Variants in PHF24 observed in about 807,000 individuals in gnomAD.
PHF24 encodes the protein PHD finger protein 24.
In PHF24, 25 loss-of-function variants were observed where a neutral mutation model predicts 42.6. The observed-to-expected ratio is 0.59, with a 90% CI of 0.43 to 0.82. PHF24 has a LOEUF of 0.82. Among genes scored for constraint, PHF24 ranks in the 40% least tolerant of loss-of-function variants. The pLI is 0.00. For missense variants in PHF24, 470 were observed against 538.1 expected (o/e 0.87, Z 1.25); for synonymous variants, 185 against 204.8 (o/e 0.90, Z 0.83).
the PHF24 span, among the ~76,000 whole-genome samples, chr9:34,778,702 G>C: frequency 6.6e-6 from 1 of 151,754 alleles, no homozygotes; most frequent in Non-Finnish European, 1.5e-5. Flanking sequence ...ATAATGGATA[G>C]AAAAGCTAGA....
the PHF24 span, chr9:34,892,680 T>C: frequency 4.3e-6 from 2 of 461,192 alleles, no homozygotes; most frequent in Non-Finnish European, 7.7e-6. Context: ...AGGACAAATT[T>C]GGAGTTGTTT....
At chr9:34,915,932 C>A in the PHF24 span, among the ~76,000 whole-genome samples, 2 of 151,832 alleles carry the variant, frequency 1.3e-5, no homozygotes, top group Admixed American at 1.3e-4. Flanking sequence ...CACCCCACCA[C>A]CAACCCTGGT....
chr9:34,849,253 A>T, the PHF24 span, among the ~76,000 whole-genome samples: 1 of 151,704 alleles, frequency 6.6e-6, no homozygotes, highest in Non-Finnish European at 1.5e-5. Context: ...TTTGTAGGTC[A>T]CTCAGGACTT....
the PHF24 span, among the ~76,000 whole-genome samples, chr9:34,711,542 C>CTTTTTTTTTTTTTTTTTTTTT: frequency 7.6e-6 from 1 of 130,762 alleles, no homozygotes. Context: ...AATGTTGTTA[C>CTTTTTTTTTTTTTTTTTTTTT]TTTTTTTTTT....
chr9:34,739,146 CTATT>C, the PHF24 span, among the ~76,000 whole-genome samples: 1 of 152,056 alleles, frequency 6.6e-6, no homozygotes, highest in Non-Finnish European at 1.5e-5. Context: ...AGTAAGAAAC[CTATT>C]TATTCATTAT....
At chr9:34,889,281 A>T in the PHF24 span, 1 of 398,590 alleles carries the variant, frequency 2.5e-6, no homozygotes, top group Admixed American at 4.4e-5. Context: ...AAGTCATTTG[A>T]GGACAGAGTT....
At chr9:34,770,820 A>T in the PHF24 span, among the ~76,000 whole-genome samples, 1 of 150,224 alleles carries the variant, frequency 6.7e-6, no homozygotes, top group African/African-American at 2.5e-5. Flanking sequence ...AAAGATTTTT[A>T]AAATTTATTG....
the PHF24 span, chr9:34,835,022 T>G: frequency 6.8e-7 from 1 of 1,468,484 alleles, no homozygotes; most frequent in Non-Finnish European, 9.2e-7. Context: ...GCTGTATTTC[T>G]GCTGGAGATC....
the PHF24 span, among the ~76,000 whole-genome samples, chr9:34,919,929 A>G: frequency 6.6e-6 from 1 of 152,142 alleles, no homozygotes; most frequent in Admixed American, 6.5e-5. Flanking sequence ...ATATGTGCCA[A>G]CATTTTCTTT....
At chr9:34,935,501 G>A in the PHF24 span, among the ~76,000 whole-genome samples, 1 of 151,578 alleles carries the variant, frequency 6.6e-6, no homozygotes, top group African/African-American at 2.4e-5. Context: ...GGCTGAGGCA[G>A]GAGAATTGCT....
chr9:34,691,468 T>G, the PHF24 span, among the ~76,000 whole-genome samples: 1 of 152,086 alleles, frequency 6.6e-6, no homozygotes, highest in East Asian at 1.9e-4. Flanking sequence ...AGAACTTAAG[T>G]CTGCAGTCTG....
the PHF24 span, among the ~76,000 whole-genome samples, chr9:34,892,019 G>A: frequency 6.6e-6 from 1 of 152,168 alleles, no homozygotes; most frequent in South Asian, 2.1e-4. Context: ...TGCAGAGAAA[G>A]GGCCAAAGCC....
the PHF24 span, chr9:34,837,827 A>T: frequency 4.5e-6 from 3 of 660,152 alleles, no homozygotes; most frequent in East Asian, 3.0e-5. Context: ...GCTTTCCTGG[A>T]TTTTCTTTGC....
chr9:34,828,927 C>CTATATCTATATCTA, the PHF24 span, among the ~76,000 whole-genome samples: 18 of 151,826 alleles, frequency 1.2e-4, no homozygotes, highest in African/African-American at 3.2e-4. Flanking sequence ...ATATCTATAT[C>CTATATCTATATCTA]TATATCTATA....
the PHF24 span, among the ~76,000 whole-genome samples, chr9:34,906,468 C>CT: frequency 6.6e-6 from 1 of 152,000 alleles, no homozygotes; most frequent in Non-Finnish European, 1.5e-5. Flanking sequence ...AGAAAGGAAT[C>CT]TTAAGTTTCA....
chr9:34,691,049 G>A, the PHF24 span: 1 of 1,539,884 alleles, frequency 6.5e-7, no homozygotes, highest in Non-Finnish European at 8.8e-7. Flanking sequence ...CCCACTGCCA[G>A]CCCCCCACTG....
the PHF24 span, chr9:34,837,211 T>G: frequency 4.5e-6 from 2 of 448,004 alleles, no homozygotes; most frequent in Non-Finnish European, 9.2e-6. Flanking sequence ...GGCCTTTGAC[T>G]CTCAGCAAGA....
the PHF24 span, among the ~76,000 whole-genome samples, chr9:34,795,822 T>C: frequency 2.4e-4 from 36 of 151,884 alleles, no homozygotes; most frequent in African/African-American, 8.0e-4. Context: ...CAAGACAAAA[T>C]CCCATCTCTA....
chr9:34,727,661 G>T, the PHF24 span, among the ~76,000 whole-genome samples: 4 of 152,196 alleles, frequency 2.6e-5, no homozygotes, highest in African/African-American at 7.2e-5. Flanking sequence ...TCCCTTGAAA[G>T]AGTATAAAGA....
Sources: gnomAD v4.1 joint callset for allele counts (sites outside exome capture counted in the v4.1 genomes callset) on GRCh38, gnomAD v4.1.1 for gene constraint, MANE v1.5 for transcripts, NCBI Gene and HGNC (gene_info 2026-07-23, HGNC 2026-07-21) for gene names.